CNTNAP2: variants seen among roughly 807,000 people sequenced by gnomAD.
CNTNAP2 encodes the protein contactin associated protein 2, also known as contactin-associated protein-like 2.
A neutral mutation model predicts 155.2 loss-of-function variants in CNTNAP2; 98 were observed. The ratio of observed to expected loss-of-function variants is 0.63; its 90% CI spans 0.54 to 0.75. The LOEUF (loss-of-function observed/expected upper bound fraction) is 0.75, where lower values mean the gene tolerates loss of function less well. Ranked by LOEUF, CNTNAP2 falls within the 30% of genes least tolerant of loss-of-function variation. The probability of loss-of-function intolerance (pLI) is 0.00; values close to 1 mark genes in which losing one functional copy is unlikely to be tolerated. For synonymous variants in CNTNAP2, 651 were observed against 631.2 expected (o/e 1.03, Z -0.47); for missense variants, 1,727 against 1,688.1 (o/e 1.02, Z -0.40).
At chr7:146,611,595 A>C (rs902337476) in intron 1 of CNTNAP2, among the ~76,000 whole-genome samples, 4 of 152,188 alleles carry the variant, frequency 2.6e-5, no homozygotes, top group Non-Finnish European at 5.9e-5. Context: ...TGAAACAGGA[A>C]TCTTAAGAGA....
At chr7:146,131,574 A>G (rs1217590975) in intron 1 of CNTNAP2, among the ~76,000 whole-genome samples, 1 of 152,248 alleles carries the variant, frequency 6.6e-6, no homozygotes, top group East Asian at 1.9e-4. Flanking sequence ...AGATTGTTTC[A>G]GAACTTCAAT....
intron 13 of CNTNAP2, among the ~76,000 whole-genome samples, chr7:147,657,016 G>A (rs1795535927): frequency 1.3e-5 from 2 of 152,054 alleles, no homozygotes. Flanking sequence ...CACACTCGTG[G>A]TTTCAAAAAG....
Position 146,334,422 on chromosome 7 carries a change from C to T in CNTNAP2, c.97+217449C>T, listed in dbSNP as rs898971240. ...CTCCAGCCTGGGCGACAGAGCAAGACTCCGTCTCAAAAAAAAAAAAAAAAA... is the reference window on the plus strand; with the variant it reads ...CTCCAGCCTGGGCGACAGAGCAAGATTCCGTCTCAAAAAAAAAAAAAAAAA... On this transcript the variant is annotated intron_variant, in intron 1 of 23. Transcript: ENST00000361727. Among the ~76,000 whole-genome samples, 97 of 139,962 alleles carry T rather than the reference C, an allele frequency of 6.9e-4. 1 individual carries two copies. Among genetic ancestry groups the T allele is most frequent in the Non-Finnish European group, 1.4e-4 (9 of 65,354 alleles). 91.8% of individuals were successfully genotyped at this position (139,962 alleles called of 152,430 possible). A position where few individuals can be genotyped will look rare whatever the true frequency, so the allele number is the denominator to read the frequency against.
chr7:146,314,770 G>A (rs979880509), intron 1 of CNTNAP2, among the ~76,000 whole-genome samples: 22 of 152,278 alleles, frequency 1.4e-4, no homozygotes, highest in African/African-American at 5.3e-4. Flanking sequence ...GGGGAAGAAG[G>A]TGCAGAGAGT....
At chr7:147,290,452 G>A (rs932744631) in intron 8 of CNTNAP2, among the ~76,000 whole-genome samples, 7 of 151,920 alleles carry the variant, frequency 4.6e-5, no homozygotes, top group East Asian at 1.9e-4. Context: ...AGGCCGAGGC[G>A]GGTGGATTGC....
At chr7:147,567,765 T>C (rs546030913) in intron 12 of CNTNAP2, among the ~76,000 whole-genome samples, 1 of 152,100 alleles carries the variant, frequency 6.6e-6, no homozygotes, top group South Asian at 2.1e-4. Context: ...CTACGCAAAG[T>C]CACTGTAGGA....
chr7:147,612,588 G>T (rs1289979736), intron 12 of CNTNAP2, among the ~76,000 whole-genome samples: 1 of 151,614 alleles, frequency 6.6e-6, no homozygotes, highest in African/African-American at 2.4e-5. Flanking sequence ...TTTAGTAGAG[G>T]CTGAGTTTCA....
intron 1 of CNTNAP2, among the ~76,000 whole-genome samples, chr7:146,597,108 A>G (rs1310579347): frequency 6.6e-6 from 1 of 152,090 alleles, no homozygotes; most frequent in Non-Finnish European, 1.5e-5. Flanking sequence ...AGAGCACTGT[A>G]TTCTTATTAA....
At chr7:147,498,611 C>G (rs952952286) in intron 11 of CNTNAP2, among the ~76,000 whole-genome samples, 5 of 152,152 alleles carry the variant, frequency 3.3e-5, no homozygotes, top group Non-Finnish European at 7.4e-5. Context: ...TATTAGTAAT[C>G]AAGAAAAATG....
chr7:146,571,256 G>A (rs2129146108), intron 1 of CNTNAP2, among the ~76,000 whole-genome samples: 1 of 152,086 alleles, frequency 6.6e-6, no homozygotes, highest in East Asian at 1.9e-4. Context: ...AAACTGTAAT[G>A]GGAAGTATTA....
intron 4 of CNTNAP2, among the ~76,000 whole-genome samples, chr7:147,098,716 TTAG>T (rs1800594290): frequency 6.6e-6 from 1 of 152,152 alleles, no homozygotes; most frequent in South Asian, 2.1e-4. Context: ...ATATAGTTTA[TTAG>T]TAGAAAATTT....
chr7:146,771,901 G>A (rs1165317414), intron 1 of CNTNAP2, among the ~76,000 whole-genome samples: 3 of 152,090 alleles, frequency 2.0e-5, no homozygotes, highest in African/African-American at 7.2e-5. Flanking sequence ...ACAGAGTTCT[G>A]AGCATAAACA....
intron 1 of CNTNAP2, among the ~76,000 whole-genome samples, chr7:146,243,964 C>A (rs962013885): frequency 2.0e-5 from 3 of 151,912 alleles, no homozygotes; most frequent in African/African-American, 7.3e-5. Flanking sequence ...GGTGTGGGAA[C>A]CTAGAGTGGG....
chr7:147,531,325 C>T (rs1426938219), intron 11 of CNTNAP2, among the ~76,000 whole-genome samples: 1 of 152,232 alleles, frequency 6.6e-6, no homozygotes, highest in Non-Finnish European at 1.5e-5. Flanking sequence ...TTCCCTTCCT[C>T]ACTGCCCTAG....
In CNTNAP2 at chr7:147,703,399, G is replaced by A. The variant is rs1277986907; in HGVS notation, c.2098+64093G>A. On this transcript the variant is annotated intron_variant, in intron 13 of 23. Coordinates refer to ENST00000361727, the MANE Select transcript of CNTNAP2 (RefSeq NM_014141.6). The stretch of plus-strand genomic sequence containing the variant: ...TTATTTCTTCTTCAAGCATTTAATA[G>A]CCAACTATAGGGCCCTGGGCATTTA... Among the ~76,000 whole-genome samples the A allele has an allele frequency of 4.6e-5, 7 of 152,288 alleles. No individual in the cohort carries two copies. In the South Asian group the frequency reaches 1.2e-3, roughly 27 times the overall value.
rs111974164 is a variant in CNTNAP2, at chr7:147,222,263, GT to G, written c.1349-77868del. Among the ~76,000 whole-genome samples the G allele has an allele frequency of 8.3e-3, 1,223 of 146,768 alleles. 22 individuals carry two copies. Among genetic ancestry groups the G allele is most frequent in the African/African-American group, 0.028 (1,124 of 40,160 alleles). On this transcript the variant is annotated intron_variant, in intron 8 of 23. Coordinates refer to ENST00000361727, the MANE Select transcript of CNTNAP2 (RefSeq NM_014141.6). ...CACAGTTGTTGTATATTCTGTTATA[GT>G]TTTTTTTTTCAGTTTTTATTCTTTA...
At chr7:146,117,210 T>C in intron 1 of CNTNAP2, 3 of 555,792 alleles carry the variant, frequency 5.4e-6, no homozygotes, top group Non-Finnish European at 9.7e-6. Context: ...CTGGTCTTGG[T>C]GATCGGTTGG....
intron 2 of CNTNAP2, among the ~76,000 whole-genome samples, chr7:146,796,067 C>A (rs1802762917): frequency 6.6e-6 from 1 of 152,094 alleles, no homozygotes; most frequent in Non-Finnish European, 1.5e-5. Flanking sequence ...ATTTCACTTA[C>A]ATAAAATCCA....
intron 22 of CNTNAP2, among the ~76,000 whole-genome samples, chr7:148,388,743 T>C (rs111471732): frequency 4.6e-5 from 7 of 152,290 alleles, no homozygotes; most frequent in African/African-American, 1.4e-4. Flanking sequence ...TTAGTTTTCC[T>C]TCTAACAGAC....
Sources: allele counts gnomAD v4.1 joint callset (sites outside exome capture counted in the v4.1 genomes callset), GRCh38; gene constraint gnomAD v4.1.1; transcripts MANE v1.5; gene names NCBI Gene and HGNC (gene_info 2026-07-23, HGNC 2026-07-21).